Variants in MAU2 observed in about 807,000 individuals in gnomAD.
MAU2 encodes MAU2 sister chromatid cohesion factor.
Under a neutral mutation model 89.1 loss-of-function variants are expected in MAU2, and 9 were observed. The observed-to-expected ratio is 0.10, with a 90% confidence interval of 0.06 to 0.18. MAU2 has a LOEUF of 0.18. Among genes scored for constraint, MAU2 ranks in the 10% least tolerant of loss-of-function variants. The probability of loss-of-function intolerance (pLI) is 1.00; values close to 1 mark genes in which losing one functional copy is unlikely to be tolerated. For missense variants in MAU2, 425 were observed against 803.5 expected, an observed-to-expected ratio of 0.53 and a Z score of 5.69; for synonymous variants, 357 against 343.4, an observed-to-expected ratio of 1.04 and a Z score of -0.44.
chr19:19,340,785 A>G (rs1439090523), intron 5 of MAU2, 61 bp from the exon 6 acceptor site: 4 of 1,592,580 alleles, frequency 2.5e-6, no homozygotes, highest in Admixed American at 1.7e-5. Context: ...TGGGGTAATC[A>G]CAGTCATCCC....
At chr19:19,336,289 G>A (rs559828865) in intron 3 of MAU2, 102 bp downstream of exon 3, 384 of 873,674 alleles carry the variant, frequency 4.4e-4, no homozygotes, top group Non-Finnish European at 6.7e-4. Flanking sequence ...GAATCCCTCC[G>A]GCTTTTTTTG....
intron 1 of MAU2, among the ~76,000 whole-genome samples, chr19:19,332,440 G>A (rs989954704): frequency 2.7e-5 from 4 of 150,514 alleles, no homozygotes; most frequent in African/African-American, 9.8e-5. Context: ...TGTATTTGAA[G>A]TGGGCGATAA....
rs79193095 is a variant in MAU2, at chr19:19,356,262, G to A, written c.*480G>A. The A allele has an allele frequency of 9.6e-5, 34 of 354,112 alleles. 1 individual carries two copies. The East Asian group carries it at 2.5e-3, about 26-fold the overall frequency. 21.9% of individuals were successfully genotyped at this position (354,112 alleles called of 1,614,324 possible). A position where few individuals can be genotyped will look rare whatever the true frequency, so the allele number is the denominator to read the frequency against. ...CCAGTTTCTGGCCTGAATTTGGAGG[G>A]AAGAAGTAATGGCGCTAGTGTGGGA... On this transcript the variant is annotated 3_prime_UTR_variant, in exon 19 of 19. Coordinates refer to ENST00000262815, the MANE Select transcript of MAU2 (RefSeq NM_015329.4).
intron 13 of MAU2, 24 bp downstream of exon 13, chr19:19,347,390 G>T: frequency 6.4e-7 from 1 of 1,565,466 alleles, no homozygotes; most frequent in Non-Finnish European, 8.8e-7. Flanking sequence ...TTCATGTTCG[G>T]TATCCTTTCT....
chr19:19,322,411 C>T (rs907305441), intron 1 of MAU2, among the ~76,000 whole-genome samples: 5 of 152,096 alleles, frequency 3.3e-5, no homozygotes, highest in Non-Finnish European at 7.4e-5. Flanking sequence ...CCAGCCTGGG[C>T]AACACAGTGA....
intron 16 of MAU2, among the ~76,000 whole-genome samples, chr19:19,350,534 G>A (rs1261588886): frequency 1.3e-5 from 2 of 151,570 alleles, no homozygotes; most frequent in Non-Finnish European, 2.9e-5. Flanking sequence ...AACCCAGGAG[G>A]CAGAGAGGTT....
chr19:19,342,478 GCC>G, intron 7 of MAU2, 55 bp from the exon 8 acceptor site: 20 of 1,507,282 alleles, frequency 1.3e-5, no homozygotes, highest in South Asian at 5.3e-5. Flanking sequence ...GCTGGGCTGG[GCC>G]TGGCTTCCTG....
At chr19:19,322,191 G>T (rs969573922) in intron 1 of MAU2, among the ~76,000 whole-genome samples, 13 of 152,032 alleles carry the variant, frequency 8.6e-5, no homozygotes, top group African/African-American at 2.9e-4. Flanking sequence ...GTAGAGATGG[G>T]GTTTCACCGT....
chr19:19,349,572 C>A, intron 16 of MAU2, 136 bp downstream of exon 16: 1 of 739,296 alleles, frequency 1.4e-6, no homozygotes, highest in Non-Finnish European at 2.2e-6. Flanking sequence ...GGTGGATGCC[C>A]TGACTCCCAC....
At chr19:19,348,607 G>T in intron 13 of MAU2, 1 of 569,896 alleles carries the variant, frequency 1.8e-6, no homozygotes, top group Non-Finnish European at 3.1e-6. Flanking sequence ...TGCCAGGCCA[G>T]CCCCTCAGCA....
At chr19:19,347,884 C>G in intron 13 of MAU2, 1 of 153,018 alleles carries the variant, frequency 6.5e-6, no homozygotes, top group African/African-American at 2.4e-5. Context: ...GATCCCCACT[C>G]AGCCCTGGGA....
Position 19,357,954 on chromosome 19 carries a change from A to G in MAU2, c.*2172A>G, listed in dbSNP as rs1336474587. On this transcript the variant is annotated 3_prime_UTR_variant, in exon 19 of 19. Transcript: ENST00000262815. ...GAATAGAGGCCAGACACGGTGGCGC[A>G]TGCCTGTAGTCCCAGCTAACTGGGA... The G allele has an allele frequency of 2.0e-5, 3 of 151,934 alleles. No homozygotes were observed. Among genetic ancestry groups the G allele is most frequent in the African/African-American group, 7.3e-5 (3 of 41,334 alleles). The allele number at this position is 151,934 out of a possible 1,614,324, so 9.4% of individuals were successfully genotyped here.
intron 1 of MAU2, among the ~76,000 whole-genome samples, chr19:19,328,831 C>G (rs773895105): frequency 2.3e-4 from 35 of 152,092 alleles, no homozygotes; most frequent in Non-Finnish European, 8.8e-5. Context: ...GACTAAATGC[C>G]GCCTCTCTGG....
intron 1 of MAU2, among the ~76,000 whole-genome samples, chr19:19,332,362 C>G (rs1054170026): frequency 7.4e-6 from 1 of 134,524 alleles, no homozygotes; most frequent in African/African-American, 2.8e-5. Context: ...GAGCGAGAGA[C>G]AGGGTCTCGC....
chr19:19,338,781 G>A (rs981381087), intron 4 of MAU2, 64 bp from the exon 5 acceptor site: 88 of 1,253,420 alleles, frequency 7.0e-5, no homozygotes, highest in Middle Eastern at 1.9e-4. Flanking sequence ...AACAGAGCAC[G>A]AAGGCAGGTA....
intron 17 of MAU2, 26 bp from the exon 18 acceptor site, chr19:19,355,237 GC>G (rs763013001): frequency 1.3e-5 from 21 of 1,613,136 alleles, no homozygotes; most frequent in Non-Finnish European, 1.6e-5. Flanking sequence ...GGCAAGGCGG[GC>G]CCCCATGCTC....
At position 19,338,700 on chromosome 19, in the gene MAU2, A is replaced by G. The variant is rs1201745285; in HGVS notation, c.457-145A>G. ...CCAAAGCAATTAGCGTTGATAAGAT[A>G]ATTTGGTTAATTTAGCTCAAAACTG... On this transcript the variant is annotated intron_variant, in intron 4 of 18. Transcript: ENST00000262815. The G allele has an allele frequency of 8.2e-6, 5 of 609,416 alleles. No homozygotes were observed. The Admixed American group carries it at 1.2e-4, about 15-fold the overall frequency. The allele number at this position is 609,416 out of a possible 1,614,324, so 37.8% of individuals were successfully genotyped here. A position where few individuals can be genotyped will look rare whatever the true frequency, so the allele number is the denominator to read the frequency against.
Position 19,356,449 on chromosome 19 carries a change from G to T in MAU2, c.*667G>T. 4.0e-6 allele frequency: 1 copy of T among 251,976 alleles called. No homozygotes were observed. Among genetic ancestry groups the T allele is most frequent in the Non-Finnish European group, 7.9e-6 (1 of 125,866 alleles). 15.6% of individuals were successfully genotyped at this position (251,976 alleles called of 1,614,324 possible). On this transcript the variant is annotated 3_prime_UTR_variant, in exon 19 of 19. Transcript: ENST00000262815. ...TCCCGCCGTGGGGGTGCAGGTGATT[G>T]TAAACACGGGTGTGCATGTGGATGC...
At chr19:19,327,395 G>A (rs2061520283) in intron 1 of MAU2, among the ~76,000 whole-genome samples, 1 of 151,114 alleles carries the variant, frequency 6.6e-6, no homozygotes, top group Admixed American at 6.6e-5. Context: ...GCGCGATCTC[G>A]GCTCACTGCA....
Sources: gnomAD v4.1 joint callset for allele counts (sites outside exome capture counted in the v4.1 genomes callset) on GRCh38, gnomAD v4.1.1 for gene constraint, MANE v1.5 for transcripts, NCBI Gene and HGNC (gene_info 2026-07-23, HGNC 2026-07-21) for gene names.